Variants in ZNF713 observed in about 807,000 individuals in gnomAD.
ZNF713 encodes the protein zinc finger protein 713.
Under a neutral mutation model 28.7 loss-of-function variants are expected in ZNF713, and 21 were observed. The observed-to-expected ratio is 0.73, with a 90% confidence interval of 0.52 to 1.05. ZNF713 has a LOEUF of 1.05. ZNF713 is among the 50% of genes least tolerant of loss of function. The probability of loss-of-function intolerance (pLI) is 0.00; values close to 1 mark genes in which losing one functional copy is unlikely to be tolerated. For synonymous variants in ZNF713, 167 were observed against 178.0 expected, an observed-to-expected ratio of 0.94 and a Z score of 0.49; for missense variants, 458 against 532.4, an observed-to-expected ratio of 0.86 and a Z score of 1.37.
chr7:55,887,881 G>A (rs1785303354), intron 1 of ZNF713, among the ~76,000 whole-genome samples: 1 of 22,310 alleles, frequency 4.5e-5, no homozygotes, highest in Non-Finnish European at 8.3e-5. Context: ...CGGCGGCGGC[G>A]GCGGCGGGCG....
At chr7:55,921,614 G>A (rs1562744317) in intron 4 of ZNF713, among the ~76,000 whole-genome samples, 2 of 152,188 alleles carry the variant, frequency 1.3e-5, no homozygotes, top group Non-Finnish European at 1.5e-5. Context: ...GAAATAGCAA[G>A]AGAACTAGAA....
chr7:55,923,301 T>C lies in ZNF713; in HGVS notation c.214+13T>C. ...CTAGTTGCACTGGGTGAGGATGGCA[T>C]CCCTGTGAAACCGGAAGCCGTTCAC... On this transcript the variant is annotated intron_variant, in intron 5 of 6. Transcript: ENST00000429591. 2 of 1,598,352 alleles carry C rather than the reference T, an allele frequency of 1.3e-6. No homozygotes were observed. Among genetic ancestry groups the C allele is most frequent in the Middle Eastern group, 1.7e-4 (1 of 5,952 alleles).
At chr7:55,923,975 T>G in intron 6 of ZNF713, 1 of 227,936 alleles carries the variant, frequency 4.4e-6, no homozygotes, top group Non-Finnish European at 8.8e-6. Flanking sequence ...TATCTTGATA[T>G]TACAGATATC....
intron 4 of ZNF713, among the ~76,000 whole-genome samples, chr7:55,922,837 T>C (rs1253061751): frequency 6.6e-6 from 1 of 152,232 alleles, no homozygotes; most frequent in East Asian, 1.9e-4. Flanking sequence ...TATTGCAATA[T>C]TATTGTGGTG....
intron 1 of ZNF713, among the ~76,000 whole-genome samples, chr7:55,888,358 G>T (rs994402167): frequency 2.6e-5 from 4 of 152,116 alleles, no homozygotes; most frequent in Non-Finnish European, 4.4e-5. Context: ...TTGCAGGCGT[G>T]TGTATGCTCA....
At position 55,939,287 on chromosome 7, in the gene ZNF713, A is replaced by G; in HGVS notation, c.613A>G (p.Ile205Val). The G allele has an allele frequency of 6.2e-7, 1 of 1,614,166 alleles. No homozygotes were observed. Among genetic ancestry groups the G allele is most frequent in the Non-Finnish European group, 8.5e-7 (1 of 1,180,020 alleles). ...LMQQRIPSIK[I>V]PLNSDTQGNS... ...GCAGCAGAGAATTCCTTCCATTAAA[A>G]TACCCCTGAATTCTGACACACAGGG... is the stretch of plus-strand genomic sequence containing the variant. The change falls in exon 7 of 7, where the codon ATA (isoleucine) becomes GTA (valine). Residue 205 changes from isoleucine (I) to valine (V), a missense_variant. Coordinates refer to ENST00000429591, the MANE Select transcript of ZNF713 (RefSeq NM_182633.3).
chr7:55,898,975 T>A (rs1338873489), intron 1 of ZNF713, among the ~76,000 whole-genome samples: 1 of 151,716 alleles, frequency 6.6e-6, no homozygotes, highest in African/African-American at 2.4e-5. Context: ...TTGGTGAGAG[T>A]GTGGAGAAAA....
At chr7:55,890,746 G>A (rs996407881) in intron 1 of ZNF713, among the ~76,000 whole-genome samples, 5 of 152,100 alleles carry the variant, frequency 3.3e-5, no homozygotes, top group African/African-American at 1.2e-4. Flanking sequence ...GAGGCTGGAC[G>A]TGGTGGCTTA....
chr7:55,918,745 TC>T (rs1311004481), intron 4 of ZNF713, among the ~76,000 whole-genome samples: 2 of 152,126 alleles, frequency 1.3e-5, no homozygotes, highest in Admixed American at 1.3e-4. Flanking sequence ...ATGCCTGTAA[TC>T]CCAGCACTTT....
chr7:55,899,344 G>A lies in ZNF713; in HGVS notation c.-582-6909G>A, dbSNP rs572069895. 1.2e-3 allele frequency among the ~76,000 whole-genome samples: 126 copies of A among 102,504 alleles called. 4 individuals carry two copies. The South Asian group carries it at 0.044, about 36-fold the overall frequency. 67.2% of individuals were successfully genotyped at this position (102,504 alleles called of 152,430 possible). A position where few individuals can be genotyped will look rare whatever the true frequency, so the allele number is the denominator to read the frequency against. On this transcript the variant is annotated intron_variant, in intron 1 of 6. Coordinates refer to ENST00000429591, the MANE Select transcript of ZNF713 (RefSeq NM_182633.3). ...CTCCATCCAGCCTAGGTGACAGAGCGAGATTCCATCTCAAAAAAAAAAAAA... is the reference window on the plus strand; with the variant it reads ...CTCCATCCAGCCTAGGTGACAGAGCAAGATTCCATCTCAAAAAAAAAAAAA...
chr7:55,928,969 CAAAAA>C (rs35152322), intron 6 of ZNF713, among the ~76,000 whole-genome samples: 2 of 119,314 alleles, frequency 1.7e-5, no homozygotes. Flanking sequence ...CCATTTCTAC[CAAAAA>C]AAAAAAAAAA....
intron 6 of ZNF713, among the ~76,000 whole-genome samples, chr7:55,926,433 G>A (rs1435461282): frequency 6.6e-6 from 1 of 152,194 alleles, no homozygotes; most frequent in East Asian, 1.9e-4. Flanking sequence ...GGGACAGGCA[G>A]CCTAACCGTC....
chr7:55,916,194 A>G (rs1332605289), intron 4 of ZNF713, among the ~76,000 whole-genome samples: 1 of 152,226 alleles, frequency 6.6e-6, no homozygotes, highest in African/African-American at 2.4e-5. Context: ...AGTAAAACCC[A>G]AAGTCCTTAA....
At chr7:55,900,589 C>T (rs1352112770) in intron 1 of ZNF713, among the ~76,000 whole-genome samples, 1 of 152,068 alleles carries the variant, frequency 6.6e-6, no homozygotes, top group Non-Finnish European at 1.5e-5. Context: ...GTGAAATAAG[C>T]CAAGCACAGA....
At chr7:55,908,066 T>C (rs1453553703) in intron 2 of ZNF713, among the ~76,000 whole-genome samples, 1 of 151,972 alleles carries the variant, frequency 6.6e-6, no homozygotes, top group African/African-American at 2.4e-5. Flanking sequence ...GTACTAATAC[T>C]AATTTACATT....
At position 55,938,144 on chromosome 7, in the gene ZNF713, C is replaced by T. The variant is rs573757885; in HGVS notation, c.308-838C>T. 3.6e-4 allele frequency among the ~76,000 whole-genome samples: 55 copies of T among 152,010 alleles called. 2 individuals carry two copies. The South Asian group carries it at 4.8e-3, about 13-fold the overall frequency. On this transcript the variant is annotated intron_variant, in intron 6 of 6. Coordinates refer to ENST00000429591, the MANE Select transcript of ZNF713 (RefSeq NM_182633.3). ...GCTTGAACCCGGGAGGTGGAGGTTG[C>T]GGTGAGCCAAGATCACACCACTGCA...
intron 1 of ZNF713, among the ~76,000 whole-genome samples, chr7:55,899,258 CAGG>C (rs1006863288): frequency 6.8e-6 from 1 of 146,344 alleles, no homozygotes; most frequent in Non-Finnish European, 1.5e-5. Context: ...GAGGCTGAGG[CAGG>C]AGAATGGCGT....
At chr7:55,923,802 T>C in intron 6 of ZNF713, 103 bp downstream of exon 6, 1 of 768,114 alleles carries the variant, frequency 1.3e-6, no homozygotes, top group Non-Finnish European at 2.1e-6. Flanking sequence ...ATATAAGGAA[T>C]ACTAAGCCTT....
At chr7:55,902,704 CCT>C (rs1467883162) in intron 1 of ZNF713, among the ~76,000 whole-genome samples, 1 of 151,890 alleles carries the variant, frequency 6.6e-6, no homozygotes, top group African/African-American at 2.4e-5. Flanking sequence ...TGAAAGACAG[CCT>C]AAGAAACTAT....
Sources: allele counts gnomAD v4.1 joint callset (sites outside exome capture counted in the v4.1 genomes callset), GRCh38; gene constraint gnomAD v4.1.1; transcripts MANE v1.5; gene names NCBI Gene and HGNC (gene_info 2026-07-23, HGNC 2026-07-21).